Variants in PTPRR observed in about 807,000 individuals in gnomAD.
PTPRR encodes the protein receptor-type tyrosine-protein phosphatase R.
In PTPRR, 38 loss-of-function variants were observed where a neutral mutation model predicts 77.2. The ratio of observed to expected loss-of-function variants is 0.49; its 90% CI spans 0.38 to 0.65. PTPRR has a LOEUF of 0.65. Among genes scored for constraint, PTPRR ranks in the 30% least tolerant of loss-of-function variants. The probability of loss-of-function intolerance (pLI) is 0.00; values close to 1 mark genes in which losing one functional copy is unlikely to be tolerated. For missense variants in PTPRR, 744 were observed against 799.2 expected (o/e 0.93, Z 0.83); for synonymous variants, 299 against 283.1 (o/e 1.06, Z -0.57).
intron 2 of PTPRR, among the ~76,000 whole-genome samples, chr12:70,769,526 G>A (rs1164542266): frequency 6.6e-6 from 1 of 152,148 alleles, no homozygotes; most frequent in Non-Finnish European, 1.5e-5. Context: ...CAAACAAATG[G>A]AAGAACATTC....
chr12:70,716,536 A>G (rs1889038176), intron 6 of PTPRR, among the ~76,000 whole-genome samples: 1 of 152,164 alleles, frequency 6.6e-6, no homozygotes, highest in African/African-American at 2.4e-5. Flanking sequence ...TGGGATGCAC[A>G]TGCCCCACTT....
At chr12:70,703,705 G>A (rs75550210) in intron 6 of PTPRR, among the ~76,000 whole-genome samples, 3,188 of 152,252 alleles carry the variant, frequency 0.021, 49 homozygotes, top group East Asian at 0.068. Flanking sequence ...ATTTTAGTAT[G>A]AAGGTGAGAG....
rs189976573 is a variant in PTPRR at position 70,717,329 on chromosome 12, G to C, written c.1008-16006C>G. ...TTTTCAAATAAAGAGAGAGTGTTAG[G>C]TGAGAATAACTTCTGATACCAGCTA... On this transcript the variant is annotated intron_variant, in intron 6 of 13. Transcript: ENST00000283228. 1.0e-3 allele frequency among the ~76,000 whole-genome samples: 152 copies of C among 152,180 alleles called. 1 individual carries two copies. The Middle Eastern group carries it at 0.01, about 10-fold the overall frequency.
chr12:70,816,067 G>C (rs757550626), intron 2 of PTPRR, among the ~76,000 whole-genome samples: 1 of 152,126 alleles, frequency 6.6e-6, no homozygotes, highest in Non-Finnish European at 1.5e-5. Context: ...AGGACTGAGG[G>C]AGTGGCATTG....
chr12:70,668,787 T>A (rs1451619574), intron 10 of PTPRR, among the ~76,000 whole-genome samples: 1 of 152,140 alleles, frequency 6.6e-6, no homozygotes, highest in African/African-American at 2.4e-5. Context: ...ACTTACTACA[T>A]ACCCACAAAA....
intron 2 of PTPRR, among the ~76,000 whole-genome samples, chr12:70,875,052 G>A (rs554096032): frequency 1.3e-5 from 2 of 151,980 alleles, no homozygotes; most frequent in African/African-American, 4.8e-5. Context: ...AAAAATAAAG[G>A]TATTAACAAT....
chr12:70,755,256 G>A (rs890780791), intron 4 of PTPRR, among the ~76,000 whole-genome samples: 1 of 152,074 alleles, frequency 6.6e-6, no homozygotes, highest in Non-Finnish European at 1.5e-5. Flanking sequence ...TTTGTTGAAG[G>A]GTGCCTTTTT....
chr12:70,767,330 A>C (rs1323849983), intron 2 of PTPRR, among the ~76,000 whole-genome samples: 2 of 150,828 alleles, frequency 1.3e-5, no homozygotes, highest in South Asian at 2.1e-4. Context: ...ATCTACCAAG[A>C]AAATGGAAAA....
intron 2 of PTPRR, among the ~76,000 whole-genome samples, chr12:70,817,742 C>A (rs11178440): frequency 6.6e-6 from 1 of 152,128 alleles, no homozygotes; most frequent in Non-Finnish European, 1.5e-5. Flanking sequence ...GAATACTTCA[C>A]GAGATATGTT....
At chr12:70,755,950 C>A (rs1018168036) in intron 4 of PTPRR, among the ~76,000 whole-genome samples, 1 of 152,044 alleles carries the variant, frequency 6.6e-6, no homozygotes, top group Middle Eastern at 3.2e-3. Flanking sequence ...GAATTTTTTA[C>A]AGGCAACAAA....
At position 70,761,683 on chromosome 12, in the gene PTPRR, T is replaced by C. The variant is rs1191934035; in HGVS notation, c.472-57A>G. On this transcript the variant is annotated intron_variant, in intron 3 of 13. Transcript: ENST00000283228. ...AGACATTTTAAACAACTTTGGATAA[T>C]ATTTTTACCTGTCCTTTAGAAACAT... is the stretch of plus-strand genomic sequence containing the variant. The C allele has an allele frequency of 4.5e-6, 6 of 1,319,600 alleles. No homozygotes were observed. The Admixed American group carries it at 7.6e-5, about 17-fold the overall frequency. The allele number at this position is 1,319,600 out of a possible 1,614,324, so 81.7% of individuals were successfully genotyped here.
intron 1 of PTPRR, among the ~76,000 whole-genome samples, chr12:70,908,264 T>C (rs975824122): frequency 6.6e-6 from 1 of 152,160 alleles, no homozygotes; most frequent in African/African-American, 2.4e-5. Context: ...TACAGAGACA[T>C]TAATGCTTAT....
chr12:70,644,023 C>T (rs1036067395), intron 13 of PTPRR, among the ~76,000 whole-genome samples: 3 of 152,188 alleles, frequency 2.0e-5, no homozygotes, highest in Admixed American at 6.5e-5. Context: ...ATCCAACTCA[C>T]ATATTGTTAT....
chr12:70,682,840 T>A (rs538858366), intron 10 of PTPRR, among the ~76,000 whole-genome samples: 1 of 152,308 alleles, frequency 6.6e-6, no homozygotes, highest in African/African-American at 2.4e-5. Context: ...GGCTTTAATA[T>A]CAGATTCATA....
intron 13 of PTPRR, chr12:70,639,769 T>G (rs1030030084): frequency 1.3e-5 from 2 of 152,822 alleles, no homozygotes; most frequent in Non-Finnish European, 2.9e-5. Context: ...TGCCTCATGA[T>G]TCATCTCTTG....
At chr12:70,722,054 A>G (rs1478249927) in intron 6 of PTPRR, among the ~76,000 whole-genome samples, 1 of 152,060 alleles carries the variant, frequency 6.6e-6, no homozygotes, top group Non-Finnish European at 1.5e-5. Context: ...AAAATGGCTA[A>G]AGGCTTTTTT....
chr12:70,668,011 C>T (rs1276232814), intron 10 of PTPRR, among the ~76,000 whole-genome samples: 1 of 152,104 alleles, frequency 6.6e-6, no homozygotes, highest in Non-Finnish European at 1.5e-5. Flanking sequence ...TAAACAGATT[C>T]AACGTTTTTT....
chr12:70,836,054 G>A (rs1383243809), intron 2 of PTPRR, among the ~76,000 whole-genome samples: 2 of 152,008 alleles, frequency 1.3e-5, no homozygotes, highest in Non-Finnish European at 2.9e-5. Context: ...CTATTGGGAT[G>A]CCCATTGCAC....
chr12:70,912,919 T>C (rs567596592), intron 1 of PTPRR, among the ~76,000 whole-genome samples: 2 of 152,244 alleles, frequency 1.3e-5, no homozygotes, highest in Admixed American at 6.5e-5. Flanking sequence ...TGTGTCAGCA[T>C]TTGTAAATGC....
Sources: gnomAD v4.1 joint callset for allele counts (sites outside exome capture counted in the v4.1 genomes callset) on GRCh38, gnomAD v4.1.1 for gene constraint, MANE v1.5 for transcripts, NCBI Gene and HGNC (gene_info 2026-07-23, HGNC 2026-07-21) for gene names.